Variants in MANBA observed in about 807,000 individuals in gnomAD.
MANBA encodes mannosidase beta.
Under a neutral mutation model 111.1 loss-of-function variants are expected in MANBA, and 83 were observed. The ratio of observed to expected loss-of-function variants is 0.75; its 90% CI spans 0.63 to 0.90. MANBA has a LOEUF of 0.90. Ranked by LOEUF, MANBA falls within the 40% of genes least tolerant of loss-of-function variation. The pLI is 0.00. For synonymous variants in MANBA, 370 were observed against 378.7 expected, an observed-to-expected ratio of 0.98 and a Z score of 0.27; for missense variants, 1,036 against 1,069.0, an observed-to-expected ratio of 0.97 and a Z score of 0.43.
At chr4:102,639,207 G>A (rs1729759569) in intron 14 of MANBA, among the ~76,000 whole-genome samples, 1 of 152,098 alleles carries the variant, frequency 6.6e-6, no homozygotes, top group African/African-American at 2.4e-5. Flanking sequence ...GCTAAACAGG[G>A]CATAATAAAG....
In MANBA at chr4:102,665,048, A is replaced by C. The variant is rs569162057; in HGVS notation, c.1318-196T>G. On this transcript the variant is annotated intron_variant, in intron 10 of 16. Coordinates refer to ENST00000647097, the MANE Select transcript of MANBA (RefSeq NM_005908.4). ...AATCTCTGAGATTCTTTTTAACTAG[A>C]TTTTATAAACACTGATACATAGGGT... 5.4e-5 allele frequency: 31 copies of C among 575,758 alleles called. No homozygotes were observed. In the African/African-American group the frequency reaches 5.6e-4, roughly 10 times the overall value. 35.7% of individuals were successfully genotyped at this position (575,758 alleles called of 1,614,324 possible).
chr4:102,680,097 T>C (rs17033153), intron 7 of MANBA, among the ~76,000 whole-genome samples: 6,146 of 152,278 alleles, frequency 0.04, 442 homozygotes, highest in African/African-American at 0.14. Context: ...CTCTGAGCAA[T>C]GGAAAACCAG....
intron 7 of MANBA, among the ~76,000 whole-genome samples, chr4:102,685,610 A>T (rs1732174386): frequency 6.6e-6 from 1 of 151,634 alleles, no homozygotes; most frequent in Admixed American, 6.6e-5. Context: ...CTGCTTTCTA[A>T]CTCTTTTTAG....
intron 1 of MANBA, among the ~76,000 whole-genome samples, chr4:102,748,037 G>A (rs967569465): frequency 6.6e-6 from 1 of 152,218 alleles, no homozygotes; most frequent in African/African-American, 2.4e-5. Flanking sequence ...GATCACACTT[G>A]CTCAGGGAGT....
intron 1 of MANBA, among the ~76,000 whole-genome samples, chr4:102,750,598 G>A (rs1723753160): frequency 6.6e-6 from 1 of 152,160 alleles, no homozygotes; most frequent in African/African-American, 2.4e-5. Context: ...ATGAAATAAT[G>A]TGATAACTGG....
chr4:102,678,726 C>A (rs1731834357), intron 7 of MANBA, among the ~76,000 whole-genome samples: 1 of 152,116 alleles, frequency 6.6e-6, no homozygotes, highest in African/African-American at 2.4e-5. Context: ...GAAGGATTAA[C>A]TTTAAAAGTG....
chr4:102,637,965 T>C (rs1729702674), intron 14 of MANBA, among the ~76,000 whole-genome samples: 1 of 152,218 alleles, frequency 6.6e-6, no homozygotes, highest in Non-Finnish European at 1.5e-5. Flanking sequence ...ACCTATGGAA[T>C]CTGATGCAAT....
At chr4:102,655,301 A>G (rs1163834238) in intron 12 of MANBA, among the ~76,000 whole-genome samples, 3 of 152,152 alleles carry the variant, frequency 2.0e-5, no homozygotes, top group African/African-American at 7.2e-5. Context: ...TTTCTGCAGA[A>G]ATTGGCAAAT....
At position 102,714,475 on chromosome 4, in the gene MANBA, A is replaced by T; in HGVS notation, c.636T>A (p.Ile212=). The change falls in exon 5 of 17, where the codon ATT becomes ATA. Residue 212 remains isoleucine, a synonymous_variant. Coordinates refer to ENST00000647097, the MANE Select transcript of MANBA (RefSeq NM_005908.4). ...WKDVRIEAYN[I]CHLNYFTFSP... The stretch of plus-strand genomic sequence containing the variant: ...AAAATGTGAAGTAGTTCAGGTGACA[A>T]ATATTATAGGCTTCAATTCTAACAT... The T allele has an allele frequency of 1.2e-6, 2 of 1,606,884 alleles. No individual in the cohort carries two copies. Among genetic ancestry groups the T allele is most frequent in the Admixed American group, 1.7e-5 (1 of 59,994 alleles).
intron 1 of MANBA, among the ~76,000 whole-genome samples, chr4:102,745,268 TA>T (rs749450935): frequency 7.2e-5 from 11 of 152,130 alleles, no homozygotes; most frequent in Non-Finnish European, 7.4e-5. Flanking sequence ...GGAGAAATAT[TA>T]ACAGCATAAA....
At chr4:102,714,027 G>A (rs1245064359) in intron 5 of MANBA, among the ~76,000 whole-genome samples, 1 of 152,024 alleles carries the variant, frequency 6.6e-6, no homozygotes, top group Non-Finnish European at 1.5e-5. Context: ...GTAGTGCTCT[G>A]GGTTATGAAG....
chr4:102,748,190 T>A (rs1359227996), intron 1 of MANBA, among the ~76,000 whole-genome samples: 1 of 152,176 alleles, frequency 6.6e-6, no homozygotes, highest in Non-Finnish European at 1.5e-5. Flanking sequence ...TGAGTCTTTG[T>A]GAAGCTCAAA....
In MANBA at chr4:102,752,323, G is replaced by C. The variant is rs555138838; in HGVS notation, c.177+8395C>G. On this transcript the variant is annotated intron_variant, in intron 1 of 16. Transcript: ENST00000647097. ...CCAACTTTGTAAACGTTTAGCATCT[G>C]GAAGCACAGATAGGCATACCAGACT... The C allele has an allele frequency of 3.7e-6, 5 of 1,365,530 alleles. No homozygotes were observed. The East Asian group carries it at 1.1e-4, about 31-fold the overall frequency. The allele number at this position is 1,365,530 out of a possible 1,614,324, so 84.6% of individuals were successfully genotyped here. A position where few individuals can be genotyped will look rare whatever the true frequency, so the allele number is the denominator to read the frequency against.
At chr4:102,669,095 T>C (rs760494150) in intron 9 of MANBA, 46 bp from the exon 10 acceptor site, 1 of 1,390,278 alleles carries the variant, frequency 7.2e-7, no homozygotes. Flanking sequence ...ATAAGTTTTA[T>C]TACACAGAAG....
At chr4:102,689,532 A>C (rs760173628) in intron 7 of MANBA, 42 bp downstream of exon 7, 14 of 1,286,262 alleles carry the variant, frequency 1.1e-5, no homozygotes, top group Non-Finnish European at 1.4e-5. Flanking sequence ...TTTTTAAAAG[A>C]AATAAAATTA....
intron 13 of MANBA, among the ~76,000 whole-genome samples, chr4:102,640,515 C>T (rs1031401593): frequency 3.3e-5 from 5 of 152,218 alleles, no homozygotes; most frequent in Non-Finnish European, 7.3e-5. Flanking sequence ...TGATTACCGA[C>T]ACCATCATGG....
At chr4:102,721,308 A>G (rs1722562752) in intron 4 of MANBA, among the ~76,000 whole-genome samples, 1 of 151,946 alleles carries the variant, frequency 6.6e-6, no homozygotes, top group African/African-American at 2.4e-5. Flanking sequence ...TGAGCAACAG[A>G]GCAAGACTCC....
intron 8 of MANBA, among the ~76,000 whole-genome samples, chr4:102,673,521 AG>A (rs1158922628): frequency 6.6e-6 from 1 of 151,982 alleles, no homozygotes; most frequent in African/African-American, 2.4e-5. Context: ...AAAAAAAAAA[AG>A]GTAAATATGT....
chr4:102,665,782 T>C (rs1731192595), intron 10 of MANBA: 1 of 152,170 alleles, frequency 6.6e-6, no homozygotes, highest in Admixed American at 6.5e-5. Flanking sequence ...TTGGAACATG[T>C]TTTGGCAATG....
Sources: gnomAD v4.1 joint callset for allele counts (sites outside exome capture counted in the v4.1 genomes callset) on GRCh38, gnomAD v4.1.1 for gene constraint, MANE v1.5 for transcripts, NCBI Gene and HGNC (gene_info 2026-07-23, HGNC 2026-07-21) for gene names.